CRTAM: variants seen among roughly 807,000 people sequenced by gnomAD.
CRTAM encodes cytotoxic and regulatory T cell molecule, also known as cytotoxic and regulatory T-cell molecule.
In CRTAM, 44 loss-of-function variants were observed where a neutral mutation model predicts 50.0. The observed-to-expected ratio is 0.88, with a 90% CI of 0.69 to 1.13. CRTAM has a LOEUF of 1.13. CRTAM is among the 50% of genes most tolerant of loss of function. The probability of loss-of-function intolerance (pLI) is 0.00; values close to 1 mark genes in which losing one functional copy is unlikely to be tolerated. For missense variants in CRTAM, 448 were observed against 457.5 expected, an observed-to-expected ratio of 0.98 and a Z score of 0.19; for synonymous variants, 159 against 169.3, an observed-to-expected ratio of 0.94 and a Z score of 0.47.
At position 122,857,871 on chromosome 11, in the gene CRTAM, C is replaced by A. The variant is rs992902698; in HGVS notation, c.652+2015C>A. 1.6e-4 allele frequency among the ~76,000 whole-genome samples: 25 copies of A among 152,226 alleles called. 1 individual carries two copies. The highest frequency in any genetic ancestry group is 6.0e-4 in the African/African-American group (25 of 41,556). On this transcript the variant is annotated intron_variant, in intron 5 of 9. Coordinates refer to ENST00000227348, the MANE Select transcript of CRTAM (RefSeq NM_019604.4). Reference sequence around the variant, plus strand: ...TGATGCTTCGAGAAAGAGAGTAGAGCAACAGGAATTGATTTTTGAATAGGC... The same window carrying A: ...TGATGCTTCGAGAAAGAGAGTAGAGAAACAGGAATTGATTTTTGAATAGGC...
intron 1 of CRTAM, among the ~76,000 whole-genome samples, chr11:122,849,175 G>C (rs576006283): frequency 6.6e-6 from 1 of 152,162 alleles, no homozygotes; most frequent in Non-Finnish European, 1.5e-5. Context: ...AGAGCACCAC[G>C]ATTATAACAT....
rs370518615 is a variant in CRTAM at position 122,850,122 on chromosome 11, T to A, written c.101T>A (p.Leu34His). ...ETITVEEGQT[L>H]TLKCVTSLRK... ...ATCACCGTGGAGGAAGGCCAGACGCTCACTCTAAAGTGTGTCACTTCTCTG... is the reference window on the plus strand; with the variant it reads ...ATCACCGTGGAGGAAGGCCAGACGCACACTCTAAAGTGTGTCACTTCTCTG... Residue 34 changes from leucine (L) to histidine (H), a missense_variant, in exon 2 of 10, where the codon CTC becomes CAC. Coordinates refer to ENST00000227348, the MANE Select transcript of CRTAM (RefSeq NM_019604.4). 84 of 1,613,360 alleles carry A rather than the reference T, an allele frequency of 5.2e-5. No homozygotes were observed. The highest frequency in any genetic ancestry group is 1.7e-4 in the African/African-American group (13 of 74,896).
Position 122,868,104 on chromosome 11 carries a change from G to A in CRTAM, c.1051+5G>A. On this transcript the variant is annotated splice_donor_5th_base_variant and intron_variant, in intron 9 of 9. Coordinates refer to ENST00000227348, the MANE Select transcript of CRTAM (RefSeq NM_019604.4). Reference sequence around the variant, plus strand: ...CTGAAGAGAAAAATGGCCAATGTAAGTCAACTGTATGACCTGAGATCTGAA... The same window carrying A: ...CTGAAGAGAAAAATGGCCAATGTAAATCAACTGTATGACCTGAGATCTGAA... 6.4e-7 allele frequency: 1 copy of A among 1,570,496 alleles called. No individual in the cohort carries two copies. The highest frequency in any genetic ancestry group is 8.8e-7 in the Non-Finnish European group (1 of 1,140,796).
intron 1 of CRTAM, among the ~76,000 whole-genome samples, chr11:122,846,570 G>A (rs1861866428): frequency 6.6e-6 from 1 of 152,096 alleles, no homozygotes; most frequent in African/African-American, 2.4e-5. Context: ...ATACAGGAGT[G>A]AGCCACTGCA....
intron 2 of CRTAM, among the ~76,000 whole-genome samples, chr11:122,850,550 A>G (rs542703330): frequency 6.6e-5 from 10 of 152,234 alleles, no homozygotes; most frequent in Admixed American, 2.0e-4. Flanking sequence ...CAGGCAACCA[A>G]CTGACTGGGA....
chr11:122,863,367 GAAAA>G (rs1230073954), intron 6 of CRTAM, among the ~76,000 whole-genome samples: 2 of 146,320 alleles, frequency 1.4e-5, no homozygotes, highest in African/African-American at 5.0e-5. Flanking sequence ...AAGAAAGAAA[GAAAA>G]AGAAAGAAAG....
chr11:122,864,014 A>AT (rs911238268), intron 6 of CRTAM, among the ~76,000 whole-genome samples: 3 of 152,142 alleles, frequency 2.0e-5, no homozygotes, highest in African/African-American at 7.2e-5. Flanking sequence ...ACAGTTTCTG[A>AT]TTTTTTATAA....
chr11:122,869,293 C>T (rs1316822701), intron 9 of CRTAM, among the ~76,000 whole-genome samples: 4 of 152,160 alleles, frequency 2.6e-5, no homozygotes, highest in Non-Finnish European at 4.4e-5. Flanking sequence ...GGTGTTTTTA[C>T]ATAGCTACTA....
At chr11:122,854,107 C>CT in intron 4 of CRTAM, 21 bp downstream of exon 4, 1 of 1,603,378 alleles carries the variant, frequency 6.2e-7, no homozygotes, top group Non-Finnish European at 8.5e-7. Context: ...AAATGGTTCT[C>CT]TTTGTCTTCC....
At chr11:122,867,093 T>A (rs1174048159) in intron 7 of CRTAM, among the ~76,000 whole-genome samples, 1 of 152,236 alleles carries the variant, frequency 6.6e-6, no homozygotes, top group Non-Finnish European at 1.5e-5. Flanking sequence ...TTGAATCTCC[T>A]GACTATAACT....
rs371043833 is a variant in CRTAM at position 122,871,281 on chromosome 11, T to C, written c.1064T>C (p.Met355Thr). Residue 355 changes from methionine to threonine, a missense_variant, in exon 10 of 10, where the codon ATG becomes ACG. By Grantham distance (81) the Met-to-Thr change is moderately conservative (BLOSUM62 -1). Coordinates refer to ENST00000227348, the MANE Select transcript of CRTAM (RefSeq NM_019604.4). ...EEKNGQSSHP[M>T]RCMNYITKLY... ...GTTTTTCTTTCAGCTTCCCACCCTA[T>C]GCGTTGCATGAACTACATCACAAAG... is the stretch of plus-strand genomic sequence containing the variant. The C allele has an allele frequency of 1.1e-5, 17 of 1,612,806 alleles. No homozygotes were observed. The African/African-American group carries it at 2.1e-4, about 20-fold the overall frequency.
At chr11:122,862,426 C>T in intron 5 of CRTAM, 38 bp from the exon 6 acceptor site, 2 of 1,321,450 alleles carry the variant, frequency 1.5e-6, no homozygotes, top group Non-Finnish European at 2.2e-6. Flanking sequence ...TAAAACTGCT[C>T]TCTATAGTAG....
chr11:122,838,677 C>A, intron 1 of CRTAM, 85 bp downstream of exon 1: 2 of 1,287,892 alleles, frequency 1.6e-6, no homozygotes, highest in Non-Finnish European at 2.2e-6. Flanking sequence ...ACTGCATTTA[C>A]AGAGGAGCTG....
At chr11:122,842,706 G>T (rs1458792572) in intron 1 of CRTAM, among the ~76,000 whole-genome samples, 2 of 152,230 alleles carry the variant, frequency 1.3e-5, no homozygotes, top group Non-Finnish European at 2.9e-5. Context: ...AACTAAGGCA[G>T]CAATAATAGT....
chr11:122,854,058 G>C lies in CRTAM; in HGVS notation c.462G>C (p.Trp154Cys). The part of the protein sequence containing the change: ...MRSKPPPQIT[W>C]LLGNSMEVSG... Reference sequence around the variant, plus strand: ...GCAAGCCCCCTCCGCAGATAACCTGGCTACTTGGGAATAGCATGGAAGTGT... The same window carrying C: ...GCAAGCCCCCTCCGCAGATAACCTGCCTACTTGGGAATAGCATGGAAGTGT... The change falls in exon 4 of 10, where the codon TGG (tryptophan) becomes TGC (cysteine). Residue 154 changes from tryptophan to cysteine, a missense_variant. Coordinates refer to ENST00000227348, the MANE Select transcript of CRTAM (RefSeq NM_019604.4). The C allele has an allele frequency of 1.9e-6, 3 of 1,613,922 alleles. No individual in the cohort carries two copies. The highest frequency in any genetic ancestry group is 2.5e-6 in the Non-Finnish European group (3 of 1,179,920).
chr11:122,865,438 T>C (rs1226191283), intron 7 of CRTAM, among the ~76,000 whole-genome samples: 1 of 152,146 alleles, frequency 6.6e-6, no homozygotes, highest in Non-Finnish European at 1.5e-5. Flanking sequence ...TGTTTTGTTT[T>C]TAGAGACAGG....
chr11:122,848,142 T>C lies in CRTAM; in HGVS notation c.47-1926T>C, dbSNP rs144534568. ...CCACCACGAATTCCGAGTTAATTAG[T>C]AGTGAATGAGGCCAGGACACAAACT... is the stretch of plus-strand genomic sequence containing the variant. On this transcript the variant is annotated intron_variant, in intron 1 of 9. Coordinates refer to ENST00000227348, the MANE Select transcript of CRTAM (RefSeq NM_019604.4). 3.7e-3 allele frequency among the ~76,000 whole-genome samples: 559 copies of C among 152,264 alleles called. 6 individuals are homozygous for C. The highest frequency in any genetic ancestry group is 4.7e-3 in the Non-Finnish European group (322 of 68,014).
chr11:122,841,193 T>A (rs191191835), intron 1 of CRTAM, among the ~76,000 whole-genome samples: 2 of 152,168 alleles, frequency 1.3e-5, no homozygotes, highest in Admixed American at 6.5e-5. Flanking sequence ...CTAAAAATAA[T>A]AAAAATCTTT....
At chr11:122,850,041 A>G in intron 1 of CRTAM, 27 bp from the exon 2 acceptor site, 1 of 1,570,488 alleles carries the variant, frequency 6.4e-7, no homozygotes. Flanking sequence ...CCCCGGCCTG[A>G]TCATCCCCAT....
Sources: gnomAD v4.1 joint callset for allele counts (sites outside exome capture counted in the v4.1 genomes callset) on GRCh38, gnomAD v4.1.1 for gene constraint, MANE v1.5 for transcripts, NCBI Gene and HGNC (gene_info 2026-07-23, HGNC 2026-07-21) for gene names.